KCND3: variants seen among roughly 807,000 people sequenced by gnomAD.
KCND3 encodes A-type voltage-gated potassium channel KCND3.
Under a neutral mutation model 51.1 loss-of-function variants are expected in KCND3, and 9 were observed. That is an observed-to-expected ratio of 0.18 (90% confidence interval 0.11 to 0.31). The LOEUF (loss-of-function observed/expected upper bound fraction) is 0.31. KCND3 is among the 10% of genes least tolerant of loss of function. KCND3 has a pLI of 1.00. For synonymous variants in KCND3, 349 were observed against 368.0 expected, an observed-to-expected ratio of 0.95 and a Z score of 0.59; for missense variants, 526 against 903.8, an observed-to-expected ratio of 0.58 and a Z score of 5.36.
Position 111,780,759 on chromosome 1 carries a change from T to G in KCND3, c.1302A>C (p.Lys434Asn). The change falls in exon 4 of 8, where the codon AAA becomes AAC. Residue 434 changes from lysine (K) to asparagine (N), a missense_variant. Lys to Asn is a moderately conservative substitution (Grantham distance 94). This residue lies in a region of KCND3 where 266 missense variants were observed against 305.5 expected (regional missense o/e 0.87). Transcript: ENST00000302127. This position sits in a 1 kb window ranked among gnomAD's most constrained non-coding sequence, Gnocchi z 4.2. ...KARLARIRVAKTGSSNAYLHS... is the reference protein window; with the variant it reads ...KARLARIRVANTGSSNAYLHS... ...GCAGGTATGCATTCGAACTGCCTGT[T>G]TTGGCCACACGGATCCTGGCAAGGC... 6.2e-7 allele frequency: 1 copy of G among 1,613,582 alleles called. No homozygotes were observed.
chr1:111,948,687 C>A (rs997128379), intron 2 of KCND3, among the ~76,000 whole-genome samples: 17 of 152,086 alleles, frequency 1.1e-4, no homozygotes, highest in African/African-American at 3.9e-4. Context: ...ACCTGCTGCT[C>A]CCCTCTGGGG....
At chr1:111,814,066 G>C (rs752049057) in intron 2 of KCND3, among the ~76,000 whole-genome samples, 1 of 152,242 alleles carries the variant, frequency 6.6e-6, no homozygotes, top group Non-Finnish European at 1.5e-5. Context: ...CCCAGGAAAG[G>C]TCTTCAGGTG....
chr1:111,969,008 C>CT (rs550394479), intron 2 of KCND3, among the ~76,000 whole-genome samples: 197 of 149,580 alleles, frequency 1.3e-3, no homozygotes, highest in East Asian at 4.3e-3. Flanking sequence ...CCCTCTCAGG[C>CT]TTTTTTTTTT....
Position 111,982,710 on chromosome 1 carries a change from G to A in KCND3, c.17C>T (p.Ala6Val). MAAGV[A>V]AWLPFARAAA... ...AGCCCGGGCAAAAGGCAGCCAGGCC[G>A]CAACTCCGGCCGCCATGGTGACTCC... is the stretch of plus-strand genomic sequence containing the variant. Residue 6 changes from alanine (A) to valine (V), a missense_variant, in exon 2 of 8, where the codon GCG becomes GTG. By Grantham distance (64) the Ala-to-Val change is moderately conservative. This residue lies in a region of KCND3 where 159 missense variants were observed against 262.8 expected (regional missense o/e 0.61). Transcript: ENST00000302127. This position sits in a 1 kb window ranked among gnomAD's most constrained non-coding sequence, Gnocchi z 8.5. 6.2e-7 allele frequency: 1 copy of A among 1,603,428 alleles called. No individual in the cohort carries two copies. The highest frequency in any genetic ancestry group is 2.2e-5 in the East Asian group (1 of 44,772).
chr1:111,887,707 G>A (rs968692876), intron 2 of KCND3, among the ~76,000 whole-genome samples: 9 of 152,160 alleles, frequency 5.9e-5, no homozygotes, highest in Non-Finnish European at 1.2e-4. Flanking sequence ...GCTTTATCAA[G>A]TTATCTGATG....
chr1:111,949,543 A>G (rs1816842), intron 2 of KCND3, among the ~76,000 whole-genome samples: 151,345 of 152,296 alleles, frequency 0.99, 75,210 homozygotes, highest in Middle Eastern at 1. Flanking sequence ...GAGAGGGAGA[A>G]GACAAACACT....
At chr1:111,798,707 G>A (rs139190770) in intron 2 of KCND3, among the ~76,000 whole-genome samples, 9 of 151,536 alleles carry the variant, frequency 5.9e-5, no homozygotes, top group African/African-American at 1.9e-4. Context: ...ACCATGCCTG[G>A]CACAGGATGG....
chr1:111,924,519 T>TTGGGC (rs1405149983), intron 2 of KCND3, among the ~76,000 whole-genome samples: 1 of 152,230 alleles, frequency 6.6e-6, no homozygotes, highest in Non-Finnish European at 1.5e-5. Context: ...GGCTGCAAGC[T>TTGGGC]TGGGCTCAGG....
At chr1:111,884,250 A>G (rs1669468095) in intron 2 of KCND3, among the ~76,000 whole-genome samples, 1 of 151,956 alleles carries the variant, frequency 6.6e-6, no homozygotes, top group Non-Finnish European at 1.5e-5. Context: ...ATTCTCTTGG[A>G]CTCAGTCTTC....
intron 2 of KCND3, among the ~76,000 whole-genome samples, chr1:111,823,456 C>G (rs1571695724): frequency 1.3e-5 from 2 of 152,306 alleles, no homozygotes; most frequent in East Asian, 3.9e-4. Context: ...TTCTGAGACA[C>G]TCAGGGATTG....
At chr1:111,923,944 A>G (rs1291575980) in intron 2 of KCND3, among the ~76,000 whole-genome samples, 1 of 152,208 alleles carries the variant, frequency 6.6e-6, no homozygotes, top group Non-Finnish European at 1.5e-5. Context: ...GTGTCTGACC[A>G]CTGGACAAAT....
chr1:111,924,103 T>G (rs865988029), intron 2 of KCND3, among the ~76,000 whole-genome samples: 6 of 152,212 alleles, frequency 3.9e-5, no homozygotes, highest in Admixed American at 6.5e-5. Context: ...AGTTGTGCAT[T>G]GCACTCTACT....
intron 2 of KCND3, among the ~76,000 whole-genome samples, chr1:111,979,315 C>A (rs761776279): frequency 2.5e-4 from 38 of 152,202 alleles, no homozygotes; most frequent in Non-Finnish European, 4.1e-4. Context: ...AAGAAGTCAG[C>A]GGTTTCCCCA....
rs1290972590 is a variant in KCND3 at position 111,912,221 on chromosome 1, A to AAT, written c.1106+69398_1106+69399dup. On this transcript the variant is annotated intron_variant, in intron 2 of 7. Coordinates refer to ENST00000302127, the MANE Select transcript of KCND3 (RefSeq NM_001378969.1). ...TGTGCTGCATAGCAATGTTTTGGCCAATGCCAGATGGCGTATATGATGGTG... is the reference window on the plus strand; with the variant it reads ...TGTGCTGCATAGCAATGTTTTGGCCAATATGCCAGATGGCGTATATGATGGTG... 2.6e-5 allele frequency among the ~76,000 whole-genome samples: 4 copies of AAT among 152,380 alleles called. No homozygotes were observed. In the East Asian group the frequency reaches 7.7e-4, roughly 29 times the overall value.
At chr1:111,949,048 G>A in intron 2 of KCND3, among the ~76,000 whole-genome samples, 1 of 152,212 alleles carries the variant, frequency 6.6e-6, no homozygotes, top group Non-Finnish European at 1.5e-5. Context: ...TGTGGGAGGT[G>A]TAGAAGCATG....
chr1:111,780,095 T>C lies in KCND3; in HGVS notation c.1461+130A>G. 1 of 1,021,526 alleles carries C rather than the reference T, an allele frequency of 9.8e-7. No individual in the cohort carries two copies. Among genetic ancestry groups the C allele is most frequent in the Non-Finnish European group, 1.5e-6 (1 of 667,952 alleles). 63.3% of individuals were successfully genotyped at this position (1,021,526 alleles called of 1,614,324 possible). A position where few individuals can be genotyped will look rare whatever the true frequency, so the allele number is the denominator to read the frequency against. ...GGTCTTCCACCTGAGGGCCAGTAGATCCCATCACTACCTTTTGGATCTGAA... is the reference window on the plus strand; with the variant it reads ...GGTCTTCCACCTGAGGGCCAGTAGACCCCATCACTACCTTTTGGATCTGAA... On this transcript the variant is annotated intron_variant, in intron 5 of 7. Transcript: ENST00000302127. This position sits in a 1 kb window ranked among gnomAD's most constrained non-coding sequence, Gnocchi z 4.2.
intron 2 of KCND3, among the ~76,000 whole-genome samples, chr1:111,794,486 T>A (rs902780752): frequency 6.6e-6 from 1 of 152,230 alleles, no homozygotes; most frequent in Non-Finnish European, 1.5e-5. Flanking sequence ...GCAAGGATGA[T>A]GTCTCAGCCT....
At chr1:111,920,580 T>G (rs1671430625) in intron 2 of KCND3, among the ~76,000 whole-genome samples, 1 of 152,214 alleles carries the variant, frequency 6.6e-6, no homozygotes, top group Admixed American at 6.5e-5. Flanking sequence ...AGGCCAAATG[T>G]GAGCGAAGGG....
At chr1:111,863,906 A>G (rs1668443059) in intron 2 of KCND3, among the ~76,000 whole-genome samples, 2 of 151,986 alleles carry the variant, frequency 1.3e-5, no homozygotes, top group African/African-American at 2.4e-5. Context: ...AAAATGGGAG[A>G]CTGGTCTAAG....
Sources: allele counts gnomAD v4.1 joint callset (sites outside exome capture counted in the v4.1 genomes callset), GRCh38; gene constraint gnomAD v4.1.1; regional missense constraint gnomAD v4.1.1; non-coding constraint Gnocchi (gnomAD v3.1); transcripts MANE v1.5; gene names NCBI Gene and HGNC (gene_info 2026-07-23, HGNC 2026-07-21).